The following RNF220 variants were observed in gnomAD, a reference collection of about 807,000 sequenced individuals.
RNF220 encodes the protein ring finger protein 220.
Under a neutral mutation model 67.1 loss-of-function variants are expected in RNF220, and 7 were observed. The ratio of observed to expected loss-of-function variants is 0.10; its 90% CI spans 0.06 to 0.20. The LOEUF is 0.20. Ranked by LOEUF, RNF220 falls within the 10% of genes least tolerant of loss-of-function variation. RNF220 has a pLI of 1.00. For missense variants in RNF220, 565 were observed against 740.3 expected (o/e 0.76, Z 2.75); for synonymous variants, 270 against 283.2 (o/e 0.95, Z 0.47).
At chr1:44,504,534 C>G (rs971836238) in intron 2 of RNF220, among the ~76,000 whole-genome samples, 1 of 150,362 alleles carries the variant, frequency 6.7e-6, no homozygotes, top group Non-Finnish European at 1.5e-5. Context: ...CTTAGGGATC[C>G]GGGTTTGTGA....
At chr1:44,509,635 C>G (rs190520842) in intron 2 of RNF220, among the ~76,000 whole-genome samples, 181 of 151,352 alleles carry the variant, frequency 1.2e-3, no homozygotes, top group African/African-American at 4.2e-3. Context: ...CACCTGTAAT[C>G]CAAGCACTTT....
chr1:44,547,457 G>A (rs889901962), intron 2 of RNF220, among the ~76,000 whole-genome samples: 1 of 152,124 alleles, frequency 6.6e-6, no homozygotes, highest in African/African-American at 2.4e-5. Flanking sequence ...TCACCCTCCT[G>A]AAACACTTTT....
At chr1:44,617,250 T>C (rs748483266) in intron 3 of RNF220, among the ~76,000 whole-genome samples, 291 of 152,266 alleles carry the variant, frequency 1.9e-3, no homozygotes, top group Non-Finnish European at 2.8e-3. Flanking sequence ...TCGATGGTTT[T>C]ATCTGTCTCG....
In RNF220 at chr1:44,473,123, C is replaced by T. The variant is rs187045163; in HGVS notation, c.625+60401C>T. Among the ~76,000 whole-genome samples, 280 of 152,244 alleles carry T rather than the reference C, an allele frequency of 1.8e-3. 1 individual carries two copies. The highest frequency in any genetic ancestry group is 6.5e-3 in the African/African-American group (269 of 41,526). Reference sequence around the variant, plus strand: ...GGCAGGTGGGCAGAGGAATAGCAGCCGTTTGTTCTGGAGGCCCCTTCCTTC... The same window carrying T: ...GGCAGGTGGGCAGAGGAATAGCAGCTGTTTGTTCTGGAGGCCCCTTCCTTC... On this transcript the variant is annotated intron_variant, in intron 2 of 14. Coordinates refer to ENST00000361799, the MANE Select transcript of RNF220 (RefSeq NM_018150.4).
At position 44,622,308 on chromosome 1, in the gene RNF220, T is replaced by G. The variant is rs1021197767; in HGVS notation, c.759-434T>G. ...GAGATCATTCCTGGCCTAACACAGT[T>G]TGCAGCATGTTGGAGGGAGAATTGA... On this transcript the variant is annotated intron_variant, in intron 3 of 14. Coordinates refer to ENST00000361799, the MANE Select transcript of RNF220 (RefSeq NM_018150.4). The surrounding 1 kb of genome is among the most constrained non-coding windows in gnomAD (Gnocchi z 4.3). Among the ~76,000 whole-genome samples the G allele has an allele frequency of 1.1e-4, 16 of 152,248 alleles. No homozygotes were observed. Among genetic ancestry groups the G allele is most frequent in the Non-Finnish European group, 2.2e-4 (15 of 68,006 alleles).
chr1:44,540,125 T>G (rs1455407757), intron 2 of RNF220, among the ~76,000 whole-genome samples: 1 of 152,258 alleles, frequency 6.6e-6, no homozygotes, highest in East Asian at 1.9e-4. Context: ...GCTCCCCTTA[T>G]GCAGCCAAGC....
rs116500371 is a variant in RNF220, at chr1:44,616,030, G to T, written c.758+1733G>T. Among the ~76,000 whole-genome samples the T allele has an allele frequency of 2.4e-3, 369 of 152,280 alleles. 2 individuals carry two copies. The highest frequency in any genetic ancestry group is 8.7e-3 in the African/African-American group (363 of 41,562). On this transcript the variant is annotated intron_variant, in intron 3 of 14. Coordinates refer to ENST00000361799, the MANE Select transcript of RNF220 (RefSeq NM_018150.4). ...AAGATGCTCACTCACATGGCTGTTG[G>T]CAGGAGGCCTCAGTTCCCCCACATG...
intron 2 of RNF220, among the ~76,000 whole-genome samples, chr1:44,595,381 C>T (rs957829546): frequency 3.3e-5 from 5 of 152,218 alleles, no homozygotes; most frequent in African/African-American, 7.2e-5. Flanking sequence ...CCATCTGGCC[C>T]AGCCAGTCCT....
At chr1:44,545,774 G>A (rs1293935539) in intron 2 of RNF220, among the ~76,000 whole-genome samples, 1 of 107,766 alleles carries the variant, frequency 9.3e-6, no homozygotes, top group East Asian at 3.4e-4. Flanking sequence ...TTTTTTTTTT[G>A]AGATGGAGTC....
At chr1:44,487,807 G>A (rs888392360) in intron 2 of RNF220, among the ~76,000 whole-genome samples, 3 of 150,414 alleles carry the variant, frequency 2.0e-5, no homozygotes, top group South Asian at 2.1e-4. Flanking sequence ...TTGAACCTGG[G>A]AGGTGGAGGT....
intron 2 of RNF220, among the ~76,000 whole-genome samples, chr1:44,488,231 G>A (rs895175256): frequency 1.3e-5 from 2 of 152,028 alleles, no homozygotes; most frequent in East Asian, 1.9e-4. Flanking sequence ...CGCCTCCTGG[G>A]TTCAAGTGAT....
At chr1:44,462,932 CAGG>C (rs917019818) in intron 2 of RNF220, among the ~76,000 whole-genome samples, 1 of 151,844 alleles carries the variant, frequency 6.6e-6, no homozygotes, top group African/African-American at 2.4e-5. Context: ...GAGGCTGAGG[CAGG>C]AGAATGGCAT....
intron 2 of RNF220, among the ~76,000 whole-genome samples, chr1:44,558,105 C>T (rs1417496177): frequency 1.3e-5 from 2 of 152,230 alleles, no homozygotes; most frequent in Non-Finnish European, 2.9e-5. Context: ...TTTCTAGGTC[C>T]TTTGCCAGAA....
At chr1:44,533,495 T>G (rs2148197608) in intron 2 of RNF220, among the ~76,000 whole-genome samples, 1 of 151,672 alleles carries the variant, frequency 6.6e-6, no homozygotes, top group African/African-American at 2.4e-5. Flanking sequence ...TCAGAAAAAA[T>G]AAAAGAAAAA....
intron 2 of RNF220, among the ~76,000 whole-genome samples, chr1:44,501,939 G>GGAGAAAAA (rs1177392269): frequency 6.6e-6 from 1 of 152,122 alleles, no homozygotes; most frequent in East Asian, 1.9e-4. Flanking sequence ...CTCAATGTTG[G>GGAGAAAAA]GAGAAAAAGA....
chr1:44,644,481 G>A (rs930768203), intron 8 of RNF220: 105 of 544,590 alleles, frequency 1.9e-4, no homozygotes, highest in African/African-American at 1.9e-3. Context: ...ACCACTTGGA[G>A]CAGCATGCAG....
chr1:44,422,771 A>G (rs1318781123), intron 2 of RNF220, among the ~76,000 whole-genome samples: 1 of 152,108 alleles, frequency 6.6e-6, no homozygotes, highest in African/African-American at 2.4e-5. Context: ...TGGAGTCTGT[A>G]CTGGGGTGCT....
intron 8 of RNF220, among the ~76,000 whole-genome samples, chr1:44,639,889 G>C (rs755977544): frequency 6.6e-6 from 1 of 152,108 alleles, no homozygotes; most frequent in Non-Finnish European, 1.5e-5. Context: ...TCCTGGGTTC[G>C]AGAGATTCTC....
chr1:44,420,961 A>G (rs998138632), intron 2 of RNF220, among the ~76,000 whole-genome samples: 2 of 152,204 alleles, frequency 1.3e-5, no homozygotes, highest in East Asian at 1.9e-4. Flanking sequence ...ACAACTAGCA[A>G]TGTATGTAGG....
Sources: allele counts gnomAD v4.1 joint callset (sites outside exome capture counted in the v4.1 genomes callset), GRCh38; gene constraint gnomAD v4.1.1; non-coding constraint Gnocchi (gnomAD v3.1); transcripts MANE v1.5; gene names NCBI Gene and HGNC (gene_info 2026-07-23, HGNC 2026-07-21).